The following ZNF347 variants were observed in gnomAD, a reference collection of about 807,000 sequenced individuals.
The protein encoded by ZNF347 is CTD-2620I22.7.
In ZNF347, 19 loss-of-function variants were observed where a neutral mutation model predicts 12.9. The ratio of observed to expected loss-of-function variants is 1.47; its 90% confidence interval spans 1.03 to 2.16. The LOEUF (loss-of-function observed/expected upper bound fraction) is 2.16, where lower values mean the gene tolerates loss of function less well. Ranked by LOEUF, ZNF347 falls within the 30% of genes most tolerant of loss-of-function variation. ZNF347 has a pLI of 0.00. For missense variants in ZNF347, 1,005 were observed against 990.6 expected, an observed-to-expected ratio of 1.01 and a Z score of -0.19; for synonymous variants, 328 against 340.6, an observed-to-expected ratio of 0.96 and a Z score of 0.41.
At chr19:53,149,037 G>A in intron 3 of ZNF347, 1 of 1,179,388 alleles carries the variant, frequency 8.5e-7, no homozygotes, top group Non-Finnish European at 1.2e-6. Context: ...CAGGGAATTG[G>A]ATATTTTAAA....
chr19:53,151,916 A>C (rs12972886), intron 2 of ZNF347, among the ~76,000 whole-genome samples: 30,281 of 151,402 alleles, frequency 0.2, 3,358 homozygotes, highest in African/African-American at 0.27. Flanking sequence ...AACATGGTGA[A>C]ACACCATCTC....
At position 53,141,817 on chromosome 19, in the gene ZNF347, T is replaced by A; in HGVS notation, c.1011A>T (p.Lys337Asn). 1 of 1,614,094 alleles carries A rather than the reference T, an allele frequency of 6.2e-7. No homozygotes were observed. The highest frequency in any genetic ancestry group is 8.5e-7 in the Non-Finnish European group (1 of 1,180,002). ...TATAAGGTTTCTCTCCAGTGTGAATTTTCTGATGTTGTGAGAGTTGTGAAT... is the reference window on the plus strand; with the variant it reads ...TATAAGGTTTCTCTCCAGTGTGAATATTCTGATGTTGTGAGAGTTGTGAAT... ...SRNSQLSQHQ[K>N]IHTGEKPYKC... The change falls in exon 5 of 5, where the codon AAA (lysine) becomes AAT (asparagine). Residue 337 changes from lysine to asparagine, a missense_variant. Physicochemically the swap from Lys to Asn is moderately conservative, Grantham distance 94. Coordinates refer to ENST00000334197, the MANE Select transcript of ZNF347 (RefSeq NM_032584.3).
At chr19:53,155,955 A>T (rs1374239293) in intron 1 of ZNF347, among the ~76,000 whole-genome samples, 2 of 146,922 alleles carry the variant, frequency 1.4e-5, no homozygotes, top group South Asian at 2.1e-4. Context: ...CTGCTCTCAC[A>T]CTAAACACAG....
At position 53,136,632 on chromosome 19, in the gene ZNF347, T is replaced by C. The variant is rs1461826023; in HGVS notation, c.*3676A>G. Reference sequence around the variant, plus strand: ...GAATATGTTACACAATACCATAAACTGAACAAGACATGAATATAACACAGC... The same window carrying C: ...GAATATGTTACACAATACCATAAACCGAACAAGACATGAATATAACACAGC... On this transcript the variant is annotated 3_prime_UTR_variant, in exon 5 of 5. Transcript: ENST00000334197. 6.6e-6 allele frequency: 1 copy of C among 151,730 alleles called. No individual in the cohort carries two copies. The highest frequency in any genetic ancestry group is 1.5e-5 in the Non-Finnish European group (1 of 67,910). 9.4% of individuals were successfully genotyped at this position (151,730 alleles called of 1,614,324 possible). A position where few individuals can be genotyped will look rare whatever the true frequency, so the allele number is the denominator to read the frequency against.
In ZNF347 at chr19:53,141,369, A is replaced by T. The variant is rs774372021; in HGVS notation, c.1459T>A (p.Cys487Ser). 1 of 1,614,016 alleles carries T rather than the reference A, an allele frequency of 6.2e-7. No homozygotes were observed. The highest frequency in any genetic ancestry group is 8.5e-7 in the Non-Finnish European group (1 of 1,179,986). ...LIHTGEKPYK[C>S]NECGKAFRAH... ...CTAAAGGCTTTGCCACACTCATTAC[A>T]CTTATAAGGTTTCTCTCCAGTATGA... is the stretch of plus-strand genomic sequence containing the variant. The change falls in exon 5 of 5, where the codon TGT becomes AGT. Residue 487 changes from cysteine (C) to serine (S), a missense_variant. By Grantham distance (112) the Cys-to-Ser change is moderately radical. Coordinates refer to ENST00000334197, the MANE Select transcript of ZNF347 (RefSeq NM_032584.3).
intron 1 of ZNF347, among the ~76,000 whole-genome samples, chr19:53,155,643 G>A (rs566114174): frequency 9.3e-4 from 141 of 152,166 alleles, no homozygotes; most frequent in African/African-American, 3.0e-3. Flanking sequence ...CCCTGTGTAC[G>A]TGTCTTAATG....
chr19:53,155,296 G>T (rs756138726), intron 1 of ZNF347, among the ~76,000 whole-genome samples: 16 of 30,390 alleles, frequency 5.3e-4, no homozygotes. Context: ...ACTTTATTCT[G>T]TGTGTGTGTG....
chr19:53,141,532 A>T lies in ZNF347; in HGVS notation c.1296T>A (p.Asn432Lys), dbSNP rs779116494. 3.7e-6 allele frequency: 6 copies of T among 1,613,914 alleles called. No individual in the cohort carries two copies. The highest frequency in any genetic ancestry group is 5.1e-6 in the Non-Finnish European group (6 of 1,179,986). ...IHTGEKPYKC[N>K]ECGKAFGVRS... The stretch of plus-strand genomic sequence containing the variant: ...GAACACCAAAGGCTTTGCCGCACTC[A>T]TTACACTTGTAAGGTTTCTCTCCAG... The change falls in exon 5 of 5, where the codon AAT becomes AAA. Residue 432 changes from asparagine (N) to lysine (K), a missense_variant. Asn to Lys is a moderately conservative substitution (Grantham distance 94). Coordinates refer to ENST00000334197, the MANE Select transcript of ZNF347 (RefSeq NM_032584.3).
At chr19:53,149,633 A>G (rs2090485172) in intron 2 of ZNF347, 2 of 479,652 alleles carry the variant, frequency 4.2e-6, no homozygotes, top group Non-Finnish European at 6.8e-6. Context: ...TGGTCACCAG[A>G]AAGACCAAGG....
At chr19:53,155,050 G>A (rs992002670) in intron 1 of ZNF347, among the ~76,000 whole-genome samples, 2 of 151,542 alleles carry the variant, frequency 1.3e-5, no homozygotes, top group African/African-American at 4.8e-5. Context: ...CGATTCTCCT[G>A]CCTCAACCTC....
intron 1 of ZNF347, among the ~76,000 whole-genome samples, chr19:53,154,077 G>A (rs1283993893): frequency 6.6e-6 from 1 of 152,096 alleles, no homozygotes; most frequent in African/African-American, 2.4e-5. Context: ...TGGGAGCTGG[G>A]CTGGACTGAG....
Position 53,135,315 on chromosome 19 carries a change from TATATATATATATATATATATATATAG to T in ZNF347, c.*4967_*4992del, listed in dbSNP as rs1335761992. ...CATTTTCTAAATATATATATATATA[TATATATATATATATATATATATATAG>T]AGAGAGAGAGAGAGAGAGAGAGAGA... On this transcript the variant is annotated 3_prime_UTR_variant, in exon 5 of 5. Coordinates refer to ENST00000334197, the MANE Select transcript of ZNF347 (RefSeq NM_032584.3). 0.03 allele frequency: 309 copies of T among 10,260 alleles called. 5 individuals carry two copies. The highest frequency in any genetic ancestry group is 0.1 in the Middle Eastern group (3 of 30). 0.6% of individuals were successfully genotyped at this position (10,260 alleles called of 1,614,324 possible).
chr19:53,149,283 T>G lies in ZNF347; in HGVS notation c.100A>C (p.Arg34=), dbSNP rs763297022. 2 of 1,613,768 alleles carry G rather than the reference T, an allele frequency of 1.2e-6. No homozygotes were observed. The highest frequency in any genetic ancestry group is 1.7e-6 in the Non-Finnish European group (2 of 1,179,926). ...CTATAATTCTCCAACATCACGTCCC[T>G]GTACAAAGTCCTCTGAGCGGGGTCC... The part of the protein sequence containing the change: ...CLDPAQRTLY[R]DVMLENYRNL... The change falls in exon 3 of 5, where the codon AGG becomes CGG. Residue 34 remains arginine, a synonymous_variant. Transcript: ENST00000334197.
chr19:53,146,501 C>G (rs1372796994), intron 4 of ZNF347, among the ~76,000 whole-genome samples: 4 of 152,036 alleles, frequency 2.6e-5, no homozygotes, highest in African/African-American at 9.7e-5. Flanking sequence ...GGTTTGAACT[C>G]CCCGCCTCAA....
Position 53,137,540 on chromosome 19 carries a change from T to C in ZNF347, c.*2768A>G, listed in dbSNP as rs2090394114. On this transcript the variant is annotated 3_prime_UTR_variant, in exon 5 of 5. Transcript: ENST00000334197. ...TATGCAATACACATTTCCCTAAAAC[T>C]TCATTGTTCAGCATCCTCATTTTCC... The C allele has an allele frequency of 6.6e-6, 1 of 152,202 alleles. No individual in the cohort carries two copies. Among genetic ancestry groups the C allele is most frequent in the South Asian group, 2.1e-4 (1 of 4,834 alleles). The allele number at this position is 152,202 out of a possible 1,614,324, so 9.4% of individuals were successfully genotyped here. A position where few individuals can be genotyped will look rare whatever the true frequency, so the allele number is the denominator to read the frequency against.
Position 53,141,321 on chromosome 19 carries a change from G to A in ZNF347, c.1507C>T (p.His503Tyr), listed in dbSNP as rs993219968. The A allele has an allele frequency of 6.2e-6, 10 of 1,613,570 alleles. No individual in the cohort carries two copies. The highest frequency in any genetic ancestry group is 8.5e-6 in the Non-Finnish European group (10 of 1,179,946). Reference protein sequence around the residue: ...AFRAHSNLTTHQVIHTGEKPY... With the variant: ...AFRAHSNLTTYQVIHTGEKPY... ...TTTTCTCCAGTATGGATGACCTGAT[G>A]GGTAGTTAGGTTTGAATGTGCTCTA... Residue 503 changes from histidine to tyrosine, a missense_variant, in exon 5 of 5, where the codon CAT becomes TAT. By Grantham distance (83) the His-to-Tyr change is moderately conservative (BLOSUM62 2). Coordinates refer to ENST00000334197, the MANE Select transcript of ZNF347 (RefSeq NM_032584.3).
rs1406856998 is a variant in ZNF347 at position 53,135,041 on chromosome 19, T to C, written c.*5267A>G. The C allele has an allele frequency of 6.6e-6, 1 of 152,070 alleles. No homozygotes were observed. Among genetic ancestry groups the C allele is most frequent in the Non-Finnish European group, 1.5e-5 (1 of 68,018 alleles). 9.4% of individuals were successfully genotyped at this position (152,070 alleles called of 1,614,324 possible). ...GAGATACTAACAAAATAGGTATAGA[T>C]GGTGAGTAAAGGACAAAAATAACTA... On this transcript the variant is annotated 3_prime_UTR_variant, in exon 5 of 5. Transcript: ENST00000334197.
chr19:53,153,844 G>A, intron 1 of ZNF347, 51 bp from the exon 2 acceptor site: 1 of 1,430,948 alleles, frequency 7.0e-7, no homozygotes, highest in Non-Finnish European at 9.8e-7. Flanking sequence ...TATCCAAAAT[G>A]TGCTGTTTAT....
At chr19:53,146,353 C>T (rs1304473969) in intron 4 of ZNF347, among the ~76,000 whole-genome samples, 1 of 151,972 alleles carries the variant, frequency 6.6e-6, no homozygotes, top group Non-Finnish European at 1.5e-5. Flanking sequence ...TAACTCACTG[C>T]AGCCTTGAAC....
Sources: gnomAD v4.1 joint callset for allele counts (sites outside exome capture counted in the v4.1 genomes callset) on GRCh38, gnomAD v4.1.1 for gene constraint, MANE v1.5 for transcripts, NCBI Gene and HGNC (gene_info 2026-07-23, HGNC 2026-07-21) for gene names.